Variants in LARP1 observed in about 807,000 individuals in gnomAD.
LARP1 encodes the protein La ribonucleoprotein 1, translational regulator.
In LARP1, 36 loss-of-function variants were observed where a neutral mutation model predicts 122.7. That is an observed-to-expected ratio of 0.29 (90% CI 0.22 to 0.39). The LOEUF (loss-of-function observed/expected upper bound fraction) is 0.39, where lower values mean the gene tolerates loss of function less well. LARP1 is among the 10% of genes least tolerant of loss of function. LARP1 has a pLI of 1.00. For missense variants in LARP1, 1,040 were observed against 1,403.6 expected, an observed-to-expected ratio of 0.74 and a Z score of 4.14; for synonymous variants, 539 against 528.7, an observed-to-expected ratio of 1.02 and a Z score of -0.27.
rs1759630865 is a variant in LARP1 at position 154,815,841 on chromosome 5, C to T, written c.*1745C>T. 1 of 152,420 alleles carries T rather than the reference C, an allele frequency of 6.6e-6. No homozygotes were observed. 9.4% of individuals were successfully genotyped at this position (152,420 alleles called of 1,614,324 possible). ...AGAAGGCAGGGAGGGTGATGAAGGACTGACCCACATGGACTGGGATGTGTG... is the reference window on the plus strand; with the variant it reads ...AGAAGGCAGGGAGGGTGATGAAGGATTGACCCACATGGACTGGGATGTGTG... On this transcript the variant is annotated 3_prime_UTR_variant, in exon 19 of 19. Coordinates refer to ENST00000518297, the MANE Select transcript of LARP1 (RefSeq NM_033551.3).
At chr5:154,730,845 G>A (rs1360329470) in intron 1 of LARP1, among the ~76,000 whole-genome samples, 2 of 151,190 alleles carry the variant, frequency 1.3e-5, no homozygotes, top group Non-Finnish European at 2.9e-5. Context: ...ATGCCCCTAC[G>A]GGTAAGCACC....
At position 154,802,079 on chromosome 5, in the gene LARP1, A is replaced by G. The variant is rs1296503985; in HGVS notation, c.1789A>G (p.Lys597Glu). ...GCTGCCTTCCCAGCAGCTGATGTCC[A>G]AGGATCAGGATGAGCAAGAGGAACT... Reference protein sequence around the residue: ...QQLPSQQLMSKDQDEQEELDF... With the variant: ...QQLPSQQLMSEDQDEQEELDF... The change falls in exon 11 of 19, where the codon AAG becomes GAG. Residue 597 changes from lysine to glutamate, a missense_variant. Physicochemically the swap from Lys to Glu is moderately conservative, Grantham distance 56 (BLOSUM62 1). This residue lies in a region of LARP1 where 362 missense variants were observed against 533.1 expected (regional missense o/e 0.68). Transcript: ENST00000518297. This position sits in a 1 kb window ranked among gnomAD's most constrained non-coding sequence, Gnocchi z 5.1. The G allele has an allele frequency of 6.2e-7, 1 of 1,614,164 alleles. No individual in the cohort carries two copies. The highest frequency in any genetic ancestry group is 8.5e-7 in the Non-Finnish European group (1 of 1,180,034).
intron 1 of LARP1, among the ~76,000 whole-genome samples, chr5:154,765,721 T>C (rs1754889616): frequency 2.0e-5 from 3 of 152,186 alleles, no homozygotes; most frequent in African/African-American, 7.2e-5. Flanking sequence ...TTATCACCAC[T>C]GGGTCAGGGA....
intron 1 of LARP1, among the ~76,000 whole-genome samples, chr5:154,783,281 G>A (rs545219660): frequency 6.6e-6 from 1 of 152,306 alleles, no homozygotes; most frequent in Non-Finnish European, 1.5e-5. Context: ...TTTCTTCATA[G>A]TGCTGCCAGT....
intron 1 of LARP1, 72 bp from the exon 2 acceptor site, chr5:154,790,253 G>A: frequency 7.7e-7 from 1 of 1,295,442 alleles, no homozygotes; most frequent in Non-Finnish European, 1.1e-6. Flanking sequence ...GGACGGTGAT[G>A]AGGGTGAGGA....
rs769207511 is a variant in LARP1 at position 154,756,188 on chromosome 5, C to T, written c.431C>T (p.Pro144Leu). ...PVLTTVNGQS[P>L]PEHSAPAKVV... ...CTGACCACCGTGAACGGACAGTCCC[C>T]CCCAGGTGGGTCTCCCTCCTTGCCC... Residue 144 changes from proline (P) to leucine (L), a missense_variant, in exon 1 of 19, where the codon CCC (proline) becomes CTC (leucine). By Grantham distance (98) the Pro-to-Leu change is moderately conservative. Around this residue, in one of 8 missense-constraint regions of LARP1, gnomAD observed 257 missense variants for 273.3 expected, o/e 0.94. Transcript: ENST00000518297. 17 of 1,298,230 alleles carry T rather than the reference C, an allele frequency of 1.3e-5. No individual in the cohort carries two copies. In the South Asian group the frequency reaches 2.1e-4, roughly 16 times the overall value. 80.4% of individuals were successfully genotyped at this position (1,298,230 alleles called of 1,614,324 possible).
chr5:154,790,788 C>T, intron 3 of LARP1, 78 bp downstream of exon 3: 4 of 1,235,284 alleles, frequency 3.2e-6, no homozygotes, highest in Non-Finnish European at 4.8e-6. Flanking sequence ...TTCCAGAGAG[C>T]CTCAGCTCTT....
chr5:154,708,133 G>GAT (rs1755039442), upstream of LARP1, among the ~76,000 whole-genome samples: 2 of 152,186 alleles, frequency 1.3e-5, no homozygotes, highest in African/African-American at 4.8e-5. Flanking sequence ...TGAAAGCTGA[G>GAT]ATAGGTGATC....
upstream of LARP1, among the ~76,000 whole-genome samples, chr5:154,712,160 A>C (rs565755639): frequency 6.6e-6 from 1 of 152,338 alleles, no homozygotes; most frequent in South Asian, 2.1e-4. Flanking sequence ...CTTTTGAATA[A>C]TGAATGCCTG....
At chr5:154,716,278 C>A (rs1246410233) in intron 1 of LARP1, among the ~76,000 whole-genome samples, 4 of 152,054 alleles carry the variant, frequency 2.6e-5, no homozygotes, top group South Asian at 2.1e-4. Flanking sequence ...CGCCACCACG[C>A]CCAGCTATTT....
At chr5:154,775,949 A>G (rs975851430) in intron 1 of LARP1, among the ~76,000 whole-genome samples, 2 of 152,234 alleles carry the variant, frequency 1.3e-5, no homozygotes, top group Non-Finnish European at 2.9e-5. Flanking sequence ...GGGGCACGGC[A>G]GGAGGCCTGG....
intron 15 of LARP1, 75 bp downstream of exon 15, chr5:154,806,107 C>T (rs1343875554): frequency 1.4e-4 from 208 of 1,454,904 alleles, no homozygotes; most frequent in Non-Finnish European, 1.7e-4. Context: ...TTGGGGGATA[C>T]GGGGATAGGT....
At chr5:154,754,847 C>T (rs1017176899), upstream of LARP1, among the ~76,000 whole-genome samples, 3 of 152,080 alleles carry the variant, frequency 2.0e-5, no homozygotes, top group Admixed American at 6.5e-5. Flanking sequence ...GGCGTTGGCG[C>T]GTCCTCGGGG....
At chr5:154,783,707 G>T (rs1756643034) in intron 1 of LARP1, among the ~76,000 whole-genome samples, 1 of 151,786 alleles carries the variant, frequency 6.6e-6, no homozygotes, top group Non-Finnish European at 1.5e-5. Context: ...ACACGATCAA[G>T]ATTAAGAGAA....
At chr5:154,687,617 G>A (rs1753997137) in intron 1 of LARP1, among the ~76,000 whole-genome samples, 1 of 152,116 alleles carries the variant, frequency 6.6e-6, no homozygotes, top group African/African-American at 2.4e-5. Context: ...TCCTGAACTC[G>A]TGATCTGCCT....
At chr5:154,800,154 G>A in intron 10 of LARP1, 112 bp downstream of exon 10, 2 of 953,820 alleles carry the variant, frequency 2.1e-6, no homozygotes, top group Non-Finnish European at 3.1e-6. Context: ...AGGAAATCTG[G>A]GTAGTTCAGG....
chr5:154,796,384 A>C (rs1196349837), intron 8 of LARP1, among the ~76,000 whole-genome samples: 1 of 151,300 alleles, frequency 6.6e-6, no homozygotes, highest in Non-Finnish European at 1.5e-5. Flanking sequence ...GTATTGTCTT[A>C]TTAAGTCTCC....
chr5:154,706,167 G>T (rs1582169903), intron 1 of LARP1, among the ~76,000 whole-genome samples: 1 of 151,896 alleles, frequency 6.6e-6, no homozygotes, highest in African/African-American at 2.4e-5. Context: ...TGGTGGCAGG[G>T]ACCTATAATC....
rs1759643591 is a variant in LARP1 at position 154,816,027 on chromosome 5, A to G, written c.*1931A>G. ...GAGTAGGAGACAGTATCCCAGGCTG[A>G]CAAGGGCTTGCCCTTTACCTTGGGC... On this transcript the variant is annotated 3_prime_UTR_variant, in exon 19 of 19. Transcript: ENST00000518297. 1 of 152,410 alleles carries G rather than the reference A, an allele frequency of 6.6e-6. No homozygotes were observed. Among genetic ancestry groups the G allele is most frequent in the Non-Finnish European group, 1.5e-5 (1 of 68,042 alleles). The allele number at this position is 152,410 out of a possible 1,614,324, so 9.4% of individuals were successfully genotyped here.
Sources: gnomAD v4.1 joint callset for allele counts (sites outside exome capture counted in the v4.1 genomes callset) on GRCh38, gnomAD v4.1.1 for gene constraint, gnomAD v4.1.1 regional missense constraint, Gnocchi (gnomAD v3.1) non-coding constraint, MANE v1.5 for transcripts, NCBI Gene and HGNC (gene_info 2026-07-23, HGNC 2026-07-21) for gene names.